OFD1: variants seen among roughly 807,000 people sequenced by gnomAD.
OFD1 encodes OFD1 centriole and centriolar satellite protein, also known as centriole and centriolar satellite protein OFD1.
In OFD1, 12 loss-of-function variants were observed where a neutral mutation model predicts 81.4. The observed-to-expected ratio is 0.15, with a 90% CI of 0.09 to 0.24. OFD1 has a LOEUF of 0.24. Among genes scored for constraint, OFD1 ranks in the 10% least tolerant of loss-of-function variants. The pLI, the probability that OFD1 is intolerant of heterozygous loss-of-function variation, is 1.00. For missense variants in OFD1, 685 were observed against 733.9 expected, an observed-to-expected ratio of 0.93 and a Z score of 0.77; for synonymous variants, 256 against 263.7, an observed-to-expected ratio of 0.97 and a Z score of 0.28.
chrX:13,740,803 A>G (rs1313835760), intron 5 of OFD1, among the ~76,000 whole-genome samples: 2 of 109,610 alleles, frequency 1.8e-5, no homozygotes, highest in Non-Finnish European at 1.9e-5. Flanking sequence ...AAAAAAAAAA[A>G]AAAAATCTAT....
chrX:13,772,058 A>C (rs1332369573), downstream of OFD1: 2 of 112,503 alleles, frequency 1.8e-5, no homozygotes, highest in Admixed American at 1.9e-4. Flanking sequence ...AAATTCTGTG[A>C]AAGATATTTG....
At chrX:13,735,448 T>C (rs1013221062) in intron 2 of OFD1, 102 bp downstream of exon 2, 46 of 595,172 alleles carry the variant, frequency 7.7e-5, no homozygotes, top group African/African-American at 6.7e-4. Flanking sequence ...GTATGATACA[T>C]AGATTGTATT....
At chrX:13,747,104 C>A in intron 8 of OFD1, 151 bp downstream of exon 8, 1 of 551,498 alleles carries the variant, frequency 1.8e-6, no homozygotes, top group Non-Finnish European at 3.1e-6. Context: ...AAGGATGGTC[C>A]TTGAAAAGGA....
intron 7 of OFD1, 128 bp downstream of exon 7, chrX:13,746,583 A>AT (rs986386827): frequency 2.5e-4 from 209 of 833,989 alleles, no homozygotes; most frequent in Middle Eastern, 3.3e-4. Context: ...TGTTGTGCAA[A>AT]TTTTTTTTTA....
intron 2 of OFD1, chrX:13,736,120 T>G: frequency 1.2e-6 from 1 of 847,088 alleles, no homozygotes; most frequent in Non-Finnish European, 1.4e-6. Context: ...CACAGAGGTG[T>G]GATGAAGTGG....
downstream of OFD1, among the ~76,000 whole-genome samples, chrX:13,770,777 TTTTC>T (rs1271700366): frequency 8.9e-6 from 1 of 112,357 alleles, no homozygotes; most frequent in East Asian, 2.8e-4. Context: ...TTATTTAATA[TTTTC>T]TTTAATTGCT....
Position 13,734,785 on chromosome X carries a change from C to T in OFD1, c.-287C>T, listed in dbSNP as rs995544862. ...GCGGTCCTGCCTCGCTGCCTTCAGT[C>T]CCTAGTGTCTGGGTCCCCGCCCTCC... is the stretch of plus-strand genomic sequence containing the variant. On this transcript the variant is annotated 5_prime_UTR_variant, in exon 1 of 23. Transcript: ENST00000340096. 1.2e-5 allele frequency: 13 copies of T among 1,067,992 alleles called. No individual in the cohort carries two copies. The highest frequency in any genetic ancestry group is 3.8e-5 in the African/African-American group (2 of 52,923). 88.0% of individuals were successfully genotyped at this position (1,067,992 alleles called of 1,213,427 possible). A position where few individuals can be genotyped will look rare whatever the true frequency, so the allele number is the denominator to read the frequency against.
intron 10 of OFD1, chrX:13,752,768 G>C (rs1384648546): frequency 1.0e-6 from 1 of 970,034 alleles, no homozygotes; most frequent in Non-Finnish European, 1.3e-6. Context: ...GCAGGTGTTG[G>C]AGTTTGGAGG....
At chrX:13,773,124 C>G, downstream of OFD1, 1 of 758,499 alleles carries the variant, frequency 1.3e-6, no homozygotes, top group South Asian at 2.7e-5. Context: ...TTTAAAGGGG[C>G]GAAGGTTAAT....
At chrX:13,746,104 C>A (rs1270545350) in intron 6 of OFD1, among the ~76,000 whole-genome samples, 2 of 112,363 alleles carry the variant, frequency 1.8e-5, no homozygotes, top group African/African-American at 6.5e-5. Context: ...ATACCCACCA[C>A]CTAGATGTCA....
chrX:13,717,695 C>T, the OFD1 span, among the ~76,000 whole-genome samples: 6 of 111,317 alleles, frequency 5.4e-5, no homozygotes, highest in East Asian at 5.7e-4. Context: ...GCCGAGATCA[C>T]GCCATTGCAC....
At chrX:13,759,634 C>T (rs2047851367) in intron 15 of OFD1, among the ~76,000 whole-genome samples, 1 of 112,107 alleles carries the variant, frequency 8.9e-6, no homozygotes, top group South Asian at 3.7e-4. Flanking sequence ...ATATGAAACT[C>T]GGGCCATATG....
At chrX:13,756,277 T>TA (rs1424128644) in intron 12 of OFD1, among the ~76,000 whole-genome samples, 1 of 111,856 alleles carries the variant, frequency 8.9e-6, no homozygotes, top group Non-Finnish European at 1.9e-5. Flanking sequence ...CTTTCATATT[T>TA]AAAAAATATA....
the OFD1 span, chrX:13,716,736 G>GA: frequency 1.7e-6 from 2 of 1,147,053 alleles, no homozygotes; most frequent in Non-Finnish European, 2.4e-6. Flanking sequence ...CGAGAATGCT[G>GA]ACATTTCATT....
At chrX:13,753,768 C>T (rs1445156536) in intron 11 of OFD1, among the ~76,000 whole-genome samples, 2 of 107,377 alleles carry the variant, frequency 1.9e-5, no homozygotes, top group South Asian at 4.2e-4. Flanking sequence ...GTACGTATTA[C>T]TCCTAACCAT....
At chrX:13,762,934 G>A (rs771801403) in intron 18 of OFD1, among the ~76,000 whole-genome samples, 84 of 110,548 alleles carry the variant, frequency 7.6e-4, no homozygotes, top group Admixed American at 1.5e-3. Context: ...CACCCAGCTA[G>A]TTTTTTTGTA....
intron 18 of OFD1, among the ~76,000 whole-genome samples, chrX:13,762,693 T>C (rs1458820199): frequency 8.9e-6 from 1 of 112,819 alleles, no homozygotes; most frequent in Non-Finnish European, 1.9e-5. Flanking sequence ...TATAAATGAA[T>C]TATTAACTTA....
chrX:13,755,849 T>C (rs753009043), intron 12 of OFD1, among the ~76,000 whole-genome samples: 2 of 111,474 alleles, frequency 1.8e-5, no homozygotes, highest in Non-Finnish European at 3.8e-5. Context: ...CTGTGACTTA[T>C]GTGAGAACTT....
chrX:13,724,005 C>T, the OFD1 span, among the ~76,000 whole-genome samples: 21 of 111,734 alleles, frequency 1.9e-4, no homozygotes, highest in South Asian at 7.5e-3. Context: ...GGGGAAGTGA[C>T]AGAAGAATGG....
Sources: allele counts gnomAD v4.1 joint callset (sites outside exome capture counted in the v4.1 genomes callset), GRCh38; gene constraint gnomAD v4.1.1; transcripts MANE v1.5; gene names NCBI Gene and HGNC (gene_info 2026-07-23, HGNC 2026-07-21).